The following ODF2L variants were observed in gnomAD, a reference collection of about 807,000 sequenced individuals.
ODF2L encodes the protein protein BCAP.
A neutral mutation model predicts 86.3 loss-of-function variants in ODF2L; 76 were observed. That is an observed-to-expected ratio of 0.88 (90% CI 0.73 to 1.07). The LOEUF is 1.07. ODF2L is among the 50% of genes least tolerant of loss of function. The pLI, the probability that ODF2L is intolerant of heterozygous loss-of-function variation, is 0.00. For synonymous variants in ODF2L, 241 were observed against 231.3 expected (o/e 1.04, Z -0.38); for missense variants, 748 against 717.4 (o/e 1.04, Z -0.49).
At chr1:86,359,992 G>A (rs1658918205) in intron 12 of ODF2L, among the ~76,000 whole-genome samples, 1 of 152,110 alleles carries the variant, frequency 6.6e-6, no homozygotes, top group African/African-American at 2.4e-5. Flanking sequence ...ATTGTCATAT[G>A]TTCTTTTCTT....
At chr1:86,350,935 T>C (rs950630846) in exon 18 of ODF2L, 1 of 152,156 alleles carries the variant, frequency 6.6e-6, no homozygotes, top group African/African-American at 2.4e-5. Context: ...TGCACACTTT[T>C]TGATGGGGTT....
Position 86,365,393 on chromosome 1 carries a change from C to T in ODF2L, c.1143+3243G>A, listed in dbSNP as rs1659333658. ...AAGTAATGGAAGGATAAAACAATCC[C>T]TGGCCCTGGTATGGATGGATGGAGG... On this transcript the variant is annotated intron_variant, in intron 11 of 17. Coordinates refer to ENST00000317336, the Ensembl canonical transcript of ODF2L. Among the ~76,000 whole-genome samples, 3 of 152,086 alleles carry T rather than the reference C, an allele frequency of 2.0e-5. No individual in the cohort carries two copies. In the South Asian group the frequency reaches 6.2e-4, roughly 31 times the overall value.
At chr1:86,366,269 T>C (rs907797484) in intron 11 of ODF2L, among the ~76,000 whole-genome samples, 4 of 151,340 alleles carry the variant, frequency 2.6e-5, no homozygotes, top group African/African-American at 7.3e-5. Context: ...AAGAAAAAAA[T>C]TGGGTTGGGC....
chr1:86,348,858 C>T, downstream of ODF2L: 3 of 1,555,314 alleles, frequency 1.9e-6, no homozygotes. Flanking sequence ...CTTTCAAACA[C>T]ACTTCCTGAT....
At position 86,383,729 on chromosome 1, in the gene ODF2L, T is replaced by C. The variant is rs541121501; in HGVS notation, c.373-533A>G. 2.6e-5 allele frequency among the ~76,000 whole-genome samples: 4 copies of C among 151,880 alleles called. No homozygotes were observed. The South Asian group carries it at 8.3e-4, about 31-fold the overall frequency. ...CCAAAACCACATATATATGTACATA[T>C]AATGCAAAATTGTACACGGAATTTC... On this transcript the variant is annotated intron_variant, in intron 4 of 17. Coordinates refer to ENST00000317336, the Ensembl canonical transcript of ODF2L.
intron 1 of ODF2L, among the ~76,000 whole-genome samples, chr1:86,395,497 G>C (rs1273212383): frequency 6.6e-6 from 1 of 152,184 alleles, no homozygotes; most frequent in Non-Finnish European, 1.5e-5. Context: ...CTGAACACAA[G>C]TCGGCCTTTA....
chr1:86,367,030 T>G (rs552020999), intron 11 of ODF2L, among the ~76,000 whole-genome samples: 1 of 152,126 alleles, frequency 6.6e-6, no homozygotes, highest in East Asian at 1.9e-4. Context: ...ACTAGATGTG[T>G]GTGAAGTTTC....
At chr1:86,368,846 T>C in intron 10 of ODF2L, 1 of 730,584 alleles carries the variant, frequency 1.4e-6, no homozygotes. Context: ...CTAACACTTC[T>C]ACGTTGACTA....
chr1:86,388,392 C>A (rs916978580), intron 1 of ODF2L, among the ~76,000 whole-genome samples: 27 of 152,020 alleles, frequency 1.8e-4, no homozygotes, highest in African/African-American at 6.5e-4. Flanking sequence ...CAACTGGTAC[C>A]AACCCTTTTA....
chr1:86,384,846 T>G (rs1660829544), intron 3 of ODF2L, 45 bp from the exon 4 acceptor site: 1 of 1,392,820 alleles, frequency 7.2e-7, no homozygotes, highest in South Asian at 1.6e-5. Context: ...GACACAGCAT[T>G]AAATAAAACC....
intron 11 of ODF2L, among the ~76,000 whole-genome samples, chr1:86,368,370 C>T (rs1177744093): frequency 1.3e-5 from 2 of 151,660 alleles, no homozygotes; most frequent in Non-Finnish European, 2.9e-5. Flanking sequence ...TGTTAGTGCT[C>T]GACTAATTAG....
intron 4 of ODF2L, among the ~76,000 whole-genome samples, chr1:86,384,412 TC>T (rs1182130942): frequency 7.4e-6 from 1 of 134,336 alleles, no homozygotes; most frequent in African/African-American, 2.6e-5. Context: ...GATCTTAAAC[TC>T]AAAAAGTGTA....
At chr1:86,353,366 C>T (rs898638551) in intron 16 of ODF2L, among the ~76,000 whole-genome samples, 1 of 152,124 alleles carries the variant, frequency 6.6e-6, no homozygotes, top group Non-Finnish European at 1.5e-5. Flanking sequence ...ACTCATTATA[C>T]ACTTGGATTA....
intron 7 of ODF2L, among the ~76,000 whole-genome samples, chr1:86,378,643 C>T (rs1172723222): frequency 6.6e-6 from 1 of 152,078 alleles, no homozygotes; most frequent in Non-Finnish European, 1.5e-5. Context: ...CAGGGACCTT[C>T]TTCACATGGC....
At chr1:86,384,147 A>T (rs959257579) in intron 4 of ODF2L, among the ~76,000 whole-genome samples, 3 of 151,784 alleles carry the variant, frequency 2.0e-5, no homozygotes, top group Non-Finnish European at 3.0e-5. Flanking sequence ...ATTCTGAAAT[A>T]ATTTTTATCA....
At chr1:86,390,531 C>T (rs537957390) in intron 1 of ODF2L, among the ~76,000 whole-genome samples, 2 of 152,214 alleles carry the variant, frequency 1.3e-5, no homozygotes, top group Non-Finnish European at 2.9e-5. Flanking sequence ...GTTTAACATC[C>T]ACAAGTCAAT....
chr1:86,359,241 TA>T lies in ODF2L; in HGVS notation c.1255-351del, dbSNP rs57483150. Among the ~76,000 whole-genome samples the T allele has an allele frequency of 6.8e-3, 982 of 145,034 alleles. 7 individuals are homozygous for T. Among genetic ancestry groups the T allele is most frequent in the African/African-American group, 0.017 (684 of 39,866 alleles). On this transcript the variant is annotated intron_variant, in intron 12 of 17. Transcript: ENST00000317336. ...TTTTTCCCACCAAATCAAAATCTGC[TA>T]AAAAAAAAAAAAAAAATTCTAGGCC... is the stretch of plus-strand genomic sequence containing the variant.
chr1:86,384,889 CTA>C, intron 3 of ODF2L, 88 bp from the exon 4 acceptor site: 1 of 1,047,704 alleles, frequency 9.5e-7, no homozygotes, highest in Non-Finnish European at 1.3e-6. Flanking sequence ...ATATTTTTTC[CTA>C]CTAAACAAAA....
intron 11 of ODF2L, among the ~76,000 whole-genome samples, chr1:86,365,176 G>A (rs1271730631): frequency 2.0e-5 from 3 of 152,068 alleles, no homozygotes; most frequent in African/African-American, 4.8e-5. Flanking sequence ...GAGCTTCAAG[G>A]TATTCATCCA....
Sources: gnomAD v4.1 joint callset for allele counts (sites outside exome capture counted in the v4.1 genomes callset) on GRCh38, gnomAD v4.1.1 for gene constraint, MANE v1.5 for transcripts, NCBI Gene and HGNC (gene_info 2026-07-23, HGNC 2026-07-21) for gene names.